The following MED12L variants were observed in gnomAD, a reference collection of about 807,000 sequenced individuals.
The protein encoded by MED12L is mediator complex subunit 12L.
In MED12L, 60 loss-of-function variants were observed where a neutral mutation model predicts 281.3. The observed-to-expected ratio is 0.21, with a 90% CI of 0.17 to 0.26. The LOEUF (loss-of-function observed/expected upper bound fraction) is 0.26, where lower values mean the gene tolerates loss of function less well. Ranked by LOEUF, MED12L falls within the 10% of genes least tolerant of loss-of-function variation. MED12L has a pLI of 1.00. For missense variants in MED12L, 2,146 were observed against 2,680.9 expected (o/e 0.80, Z 4.41); for synonymous variants, 974 against 987.2 (o/e 0.99, Z 0.25).
At chr3:151,138,834 C>G (rs1716516974) in intron 5 of MED12L, among the ~76,000 whole-genome samples, 2 of 152,030 alleles carry the variant, frequency 1.3e-5, no homozygotes, top group African/African-American at 4.8e-5. Context: ...AAGTTATTTC[C>G]CTCCCATCCC....
At chr3:151,198,614 G>T in intron 16 of MED12L, 1 of 1,613,828 alleles carries the variant, frequency 6.2e-7, no homozygotes, top group Non-Finnish European at 8.5e-7. Flanking sequence ...AATCCTGGTT[G>T]AGCAATCAGT....
At chr3:151,303,501 G>A (rs138218755) in intron 16 of MED12L, among the ~76,000 whole-genome samples, 160 of 152,294 alleles carry the variant, frequency 1.1e-3, no homozygotes, top group African/African-American at 3.4e-3. Context: ...GGTGGCTCAC[G>A]CCTGTAATCC....
chr3:151,192,499 T>C, intron 14 of MED12L, 51 bp from the exon 15 acceptor site: 2 of 1,293,072 alleles, frequency 1.5e-6, no homozygotes, highest in Non-Finnish European at 2.2e-6. Flanking sequence ...TTCAGTTTCT[T>C]GATGAACTCC....
intron 16 of MED12L, among the ~76,000 whole-genome samples, chr3:151,308,465 C>A (rs1747011663): frequency 6.6e-6 from 1 of 152,078 alleles, no homozygotes; most frequent in Admixed American, 6.5e-5. Flanking sequence ...GTCCCAGTAG[C>A]CAACATAGTG....
At chr3:151,325,025 C>T (rs892795995) in intron 16 of MED12L, among the ~76,000 whole-genome samples, 3 of 151,938 alleles carry the variant, frequency 2.0e-5, no homozygotes, top group Admixed American at 1.3e-4. Flanking sequence ...CAGTTTATGT[C>T]GGGGTAAGAG....
chr3:151,140,109 C>G (rs562401278), intron 5 of MED12L, among the ~76,000 whole-genome samples: 27 of 152,310 alleles, frequency 1.8e-4, no homozygotes, highest in African/African-American at 6.3e-4. Flanking sequence ...TTACTTTTCT[C>G]TAAGCTAACT....
chr3:151,141,178 G>GTTTTTTGTTTTTTTTTTTTT (rs1716904709), intron 5 of MED12L, among the ~76,000 whole-genome samples: 1 of 102,190 alleles, frequency 9.8e-6, no homozygotes, highest in African/African-American at 4.3e-5. Flanking sequence ...TTTTTTTTTT[G>GTTTTTTGTTTTTTTTTTTTT]TTTTTTTTGT....
intron 16 of MED12L, chr3:151,299,927 A>C: frequency 1.4e-6 from 1 of 706,314 alleles, no homozygotes; most frequent in Non-Finnish European, 2.6e-6. Context: ...GCTGTTTTAT[A>C]CATAAGGAAA....
At chr3:151,292,536 G>T (rs1462657090) in intron 16 of MED12L, among the ~76,000 whole-genome samples, 1 of 151,802 alleles carries the variant, frequency 6.6e-6, no homozygotes, top group Non-Finnish European at 1.5e-5. Context: ...TTCCCTAAGT[G>T]CTGGGATTAC....
At chr3:151,106,892 CTT>C (rs2148687343) in intron 2 of MED12L, among the ~76,000 whole-genome samples, 1 of 152,246 alleles carries the variant, frequency 6.6e-6, no homozygotes, top group Admixed American at 6.5e-5. Flanking sequence ...TTCCTATCAA[CTT>C]ATCTGTCTCT....
rs368162535 is a variant in MED12L at position 151,294,175 on chromosome 3, A to G, written c.2251-55884A>G. ...CCAACAAACAATAAAAGGCCTACAC[A>G]TCAGTGTAATCATAATATATGCGAA... is the stretch of plus-strand genomic sequence containing the variant. On this transcript the variant is annotated intron_variant, in intron 16 of 44. Transcript: ENST00000687756. 1.2e-5 allele frequency: 18 copies of G among 1,555,874 alleles called. No homozygotes were observed. The African/African-American group carries it at 2.0e-4, about 18-fold the overall frequency.
chr3:151,366,041 G>A, intron 23 of MED12L, 50 bp downstream of exon 23: 1 of 1,384,546 alleles, frequency 7.2e-7, no homozygotes, highest in Non-Finnish European at 9.6e-7. Flanking sequence ...TAAATATTTA[G>A]TTAGTGGGTA....
chr3:151,232,799 A>T (rs1417714597), intron 16 of MED12L, among the ~76,000 whole-genome samples: 1 of 152,168 alleles, frequency 6.6e-6, no homozygotes, highest in Non-Finnish European at 1.5e-5. Flanking sequence ...GGAGGGTGGG[A>T]GGAGGGAGAG....
chr3:151,216,098 C>A (rs540435065), intron 16 of MED12L, among the ~76,000 whole-genome samples: 1 of 152,318 alleles, frequency 6.6e-6, no homozygotes, highest in East Asian at 1.9e-4. Flanking sequence ...CTGTTTGTCT[C>A]TTCCACTACT....
At chr3:151,310,924 G>A (rs1747410535) in intron 16 of MED12L, among the ~76,000 whole-genome samples, 1 of 152,136 alleles carries the variant, frequency 6.6e-6, no homozygotes, top group African/African-American at 2.4e-5. Context: ...GATAGGAGCT[G>A]GGGTGGGGAA....
chr3:151,250,367 C>T (rs911030784), intron 16 of MED12L, among the ~76,000 whole-genome samples: 1 of 152,148 alleles, frequency 6.6e-6, no homozygotes, highest in Non-Finnish European at 1.5e-5. Flanking sequence ...ACCATCATCA[C>T]CATGCATCTC....
chr3:151,106,357 T>TCCTAC (rs1722069457), intron 2 of MED12L, among the ~76,000 whole-genome samples: 1 of 119,740 alleles, frequency 8.4e-6, no homozygotes, highest in Non-Finnish European at 1.7e-5. Flanking sequence ...TCCTTTCCTT[T>TCCTAC]CCTACAGGGT....
intron 16 of MED12L, among the ~76,000 whole-genome samples, chr3:151,206,969 G>A (rs1408808286): frequency 6.6e-6 from 1 of 151,788 alleles, no homozygotes; most frequent in African/African-American, 2.4e-5. Context: ...TCAAAGCACA[G>A]AACACATTTT....
chr3:151,125,922 G>A (rs1389819549), intron 4 of MED12L, among the ~76,000 whole-genome samples: 1 of 152,064 alleles, frequency 6.6e-6, no homozygotes, highest in Non-Finnish European at 1.5e-5. Flanking sequence ...TAGTTGTGTT[G>A]TGTGCAGTGT....
Sources: allele counts gnomAD v4.1 joint callset (sites outside exome capture counted in the v4.1 genomes callset), GRCh38; gene constraint gnomAD v4.1.1; transcripts MANE v1.5; gene names NCBI Gene and HGNC (gene_info 2026-07-23, HGNC 2026-07-21).